Variants in IFT74 observed in about 807,000 individuals in gnomAD.
The protein encoded by IFT74 is intraflagellar transport 74.
In IFT74, 92 loss-of-function variants were observed where a neutral mutation model predicts 96.7. The ratio of observed to expected loss-of-function variants is 0.95; its 90% CI spans 0.80 to 1.13. The LOEUF (loss-of-function observed/expected upper bound fraction) is 1.13. IFT74 is among the 50% of genes most tolerant of loss of function. The pLI is 0.00. For missense variants in IFT74, 811 were observed against 698.2 expected, an observed-to-expected ratio of 1.16 and a Z score of -1.82; for synonymous variants, 223 against 213.2, an observed-to-expected ratio of 1.05 and a Z score of -0.40.
chr9:26,979,703 C>CTTTTTTTT (rs951706952), intron 3 of IFT74, among the ~76,000 whole-genome samples: 21 of 75,488 alleles, frequency 2.8e-4, no homozygotes, highest in East Asian at 2.1e-3. Flanking sequence ...GGAACACTTT[C>CTTTTTTTT]TTTTTTTTTT....
At chr9:27,044,936 G>T (rs2131680175) in intron 14 of IFT74, 141 bp downstream of exon 14, 2 of 545,346 alleles carry the variant, frequency 3.7e-6, no homozygotes, top group South Asian at 5.7e-5. Context: ...TTGCCTTGAA[G>T]AATAGTTTCT....
chr9:27,016,891 T>G lies in IFT74; in HGVS notation c.790-16T>G. ...TAAAATACTAATTAAAACTTTCCCT[T>G]CTTATTTTCCTTTAGGAAATAGCTC... On this transcript the variant is annotated splice_polypyrimidine_tract_variant and intron_variant, in intron 10 of 19. Coordinates refer to ENST00000380062, the MANE Select transcript of IFT74 (RefSeq NM_025103.4). 3 of 1,577,812 alleles carry G rather than the reference T, an allele frequency of 1.9e-6. No homozygotes were observed. The highest frequency in any genetic ancestry group is 2.0e-5 in the Admixed American group (1 of 50,396).
At position 27,065,070 on chromosome 9, in the gene IFT74, G is replaced by A. The variant is rs1201790194; in HGVS notation, c.*2334G>A. On this transcript the variant is annotated 3_prime_UTR_variant, in exon 20 of 20. Transcript: ENST00000380062. ...CAGAAAGAAAGTAGGAGGAAGATTG[G>A]CCTGTCCATTAAATATATGTGTTTG... Among the ~76,000 whole-genome samples the A allele has an allele frequency of 6.6e-6, 1 of 152,056 alleles. No homozygotes were observed. The highest frequency in any genetic ancestry group is 1.9e-4 in the East Asian group (1 of 5,194).
intron 12 of IFT74, among the ~76,000 whole-genome samples, chr9:27,022,297 T>A (rs1829646118): frequency 6.6e-6 from 1 of 152,204 alleles, no homozygotes; most frequent in Non-Finnish European, 1.5e-5. Flanking sequence ...TTTTGCTTAG[T>A]CTTGCTTTGG....
At chr9:27,005,357 C>T (rs1224478831) in intron 8 of IFT74, among the ~76,000 whole-genome samples, 2 of 47,736 alleles carry the variant, frequency 4.2e-5, no homozygotes, top group African/African-American at 7.5e-5. Context: ...CCATTTCCCC[C>T]CCCGCCCCCC....
At chr9:27,026,380 T>C (rs563009624) in intron 12 of IFT74, among the ~76,000 whole-genome samples, 42 of 152,258 alleles carry the variant, frequency 2.8e-4, no homozygotes, top group African/African-American at 1.0e-3. Flanking sequence ...ATACAATTAA[T>C]AGTGGGGGAC....
rs540463999 is a variant in IFT74, at chr9:27,027,508, C to G, written c.975-1517C>G. Among the ~76,000 whole-genome samples the G allele has an allele frequency of 2.0e-5, 3 of 152,190 alleles. No individual in the cohort carries two copies. In the East Asian group the frequency reaches 5.8e-4, roughly 29 times the overall value. ...TATCTCTTTTTCTATTATAGCCATT[C>G]CTAATGGGTATGAAGCGGTGTCTCA... is the stretch of plus-strand genomic sequence containing the variant. On this transcript the variant is annotated intron_variant, in intron 12 of 19. Transcript: ENST00000380062.
At chr9:26,996,573 T>C in intron 8 of IFT74, 1 of 1,084,628 alleles carries the variant, frequency 9.2e-7, no homozygotes, top group Non-Finnish European at 1.2e-6. Context: ...TTGTTTTATC[T>C]AGAATTTTTG....
At chr9:26,952,556 C>T (rs549308408), upstream of IFT74, among the ~76,000 whole-genome samples, 2 of 152,262 alleles carry the variant, frequency 1.3e-5, no homozygotes, top group East Asian at 1.9e-4. Context: ...GGATTACAGG[C>T]GTGAGCCACT....
intron 2 of IFT74, among the ~76,000 whole-genome samples, chr9:26,969,045 A>G (rs1000364460): frequency 1.9e-4 from 29 of 152,204 alleles, no homozygotes; most frequent in African/African-American, 6.5e-4. Flanking sequence ...AGGCACTTAC[A>G]GGTATAAACT....
chr9:26,952,202 A>T (rs1587217008), upstream of IFT74, among the ~76,000 whole-genome samples: 1 of 152,028 alleles, frequency 6.6e-6, no homozygotes, highest in Admixed American at 6.6e-5. Context: ...TGCATAATTC[A>T]TTAAAAGCTG....
rs1804722231 is a variant in IFT74, at chr9:27,016,954, A to C, written c.837A>C (p.Glu279Asp). The part of the protein sequence containing the change: ...QVKQEAVLLH[E>D]KLYELESHRD... ...AACAGGAGGCGGTATTGCTGCATGA[A>C]AAACTTTATGAGTTGGAGTCCCATC... is the stretch of plus-strand genomic sequence containing the variant. Residue 279 changes from glutamate to aspartate, a missense_variant, in exon 11 of 20, where the codon GAA becomes GAC. Coordinates refer to ENST00000380062, the MANE Select transcript of IFT74 (RefSeq NM_025103.4). 1 of 1,611,294 alleles carries C rather than the reference A, an allele frequency of 6.2e-7. No individual in the cohort carries two copies. Among genetic ancestry groups the C allele is most frequent in the African/African-American group, 1.3e-5 (1 of 75,004 alleles).
Position 27,062,608 on chromosome 9 carries a change from A to G in IFT74, c.1685-10A>G. ...TTGACATTGTTTTCCCCCTTAACTC[A>G]TGTAATTAGTCATAGCAACCAAGAG... On this transcript the variant is annotated splice_polypyrimidine_tract_variant and intron_variant, in intron 19 of 19. Coordinates refer to ENST00000380062, the MANE Select transcript of IFT74 (RefSeq NM_025103.4). 3.5e-6 allele frequency: 5 copies of G among 1,436,966 alleles called. No homozygotes were observed. Among genetic ancestry groups the G allele is most frequent in the Non-Finnish European group, 4.9e-6 (5 of 1,027,758 alleles). 89.0% of individuals were successfully genotyped at this position (1,436,966 alleles called of 1,614,324 possible). A position where few individuals can be genotyped will look rare whatever the true frequency, so the allele number is the denominator to read the frequency against.
At chr9:26,985,917 T>C (rs1485059652) in intron 6 of IFT74, among the ~76,000 whole-genome samples, 1 of 152,188 alleles carries the variant, frequency 6.6e-6, no homozygotes, top group East Asian at 1.9e-4. Flanking sequence ...ATAGAGTATA[T>C]AACATGATAT....
intron 8 of IFT74, chr9:26,995,431 G>C: frequency 1.4e-6 from 1 of 703,170 alleles, no homozygotes; most frequent in Non-Finnish European, 2.4e-6. Context: ...ATGCCTGCCA[G>C]CTGTATTTTG....
chr9:26,978,842 G>C (rs1401749233), intron 3 of IFT74, among the ~76,000 whole-genome samples: 1 of 151,960 alleles, frequency 6.6e-6, no homozygotes, highest in Non-Finnish European at 1.5e-5. Context: ...TAATTTCCTA[G>C]ATTTATATTA....
intron 13 of IFT74, among the ~76,000 whole-genome samples, chr9:27,043,658 C>T (rs1443439942): frequency 6.6e-6 from 1 of 152,166 alleles, no homozygotes; most frequent in African/African-American, 2.4e-5. Context: ...CTGCTGTAAG[C>T]AACTCTTTCT....
At chr9:27,051,810 A>G (rs979681187) in intron 16 of IFT74, among the ~76,000 whole-genome samples, 2 of 152,208 alleles carry the variant, frequency 1.3e-5, no homozygotes, top group African/African-American at 2.4e-5. Flanking sequence ...TTTAAAGTCT[A>G]TCTGTAGACA....
chr9:26,964,434 C>T (rs1270592447), intron 2 of IFT74, among the ~76,000 whole-genome samples: 3 of 151,308 alleles, frequency 2.0e-5, no homozygotes, highest in African/African-American at 7.3e-5. Context: ...TTAGTATTGA[C>T]TTGGCGATGC....
Sources: gnomAD v4.1 joint callset for allele counts (sites outside exome capture counted in the v4.1 genomes callset) on GRCh38, gnomAD v4.1.1 for gene constraint, MANE v1.5 for transcripts, NCBI Gene and HGNC (gene_info 2026-07-23, HGNC 2026-07-21) for gene names.